Variants in TCF12 observed in about 807,000 individuals in gnomAD.
TCF12 encodes the protein transcription factor 12.
TCF12 carries 45 observed loss-of-function variants against 86.0 expected under a neutral mutation model. The observed-to-expected ratio is 0.52, with a 90% confidence interval of 0.41 to 0.67. The LOEUF is 0.67. Among genes scored for constraint, TCF12 ranks in the 30% least tolerant of loss-of-function variants. The pLI, the probability that TCF12 is intolerant of heterozygous loss-of-function variation, is 0.00. For missense variants in TCF12, 881 were observed against 859.9 expected (o/e 1.02, Z -0.31); for synonymous variants, 330 against 299.6 (o/e 1.10, Z -1.05).
intron 6 of TCF12, among the ~76,000 whole-genome samples, chr15:57,170,746 T>TA: frequency 7.8e-4 from 24 of 30,640 alleles, no homozygotes; most frequent in African/African-American, 3.2e-3. Context: ...TAATATATAT[T>TA]ATATATTATA....
chr15:57,007,890 CTT>C (rs2141126459), intron 3 of TCF12, among the ~76,000 whole-genome samples: 1 of 118,538 alleles, frequency 8.4e-6, no homozygotes, highest in African/African-American at 3.2e-5. Context: ...TCCTTCCTTC[CTT>C]CCTTCCTTCC....
At chr15:57,027,725 C>G (rs2065904723) in intron 3 of TCF12, among the ~76,000 whole-genome samples, 1 of 152,164 alleles carries the variant, frequency 6.6e-6, no homozygotes, top group East Asian at 1.9e-4. Flanking sequence ...AACTGTAGCT[C>G]CCATAATCCC....
chr15:57,132,451 C>T (rs1326594378), intron 5 of TCF12, among the ~76,000 whole-genome samples: 2 of 152,118 alleles, frequency 1.3e-5, no homozygotes, highest in Non-Finnish European at 2.9e-5. Flanking sequence ...ATTAATCACC[C>T]AAGTCAACTT....
intron 5 of TCF12, among the ~76,000 whole-genome samples, chr15:57,115,831 G>C (rs1454866946): frequency 1.4e-5 from 2 of 142,196 alleles, no homozygotes; most frequent in Non-Finnish European, 3.0e-5. Flanking sequence ...AGCACCCTAA[G>C]CACCAGGTAA....
intron 3 of TCF12, among the ~76,000 whole-genome samples, chr15:57,008,352 C>A (rs1405441028): frequency 1.3e-5 from 2 of 149,566 alleles, no homozygotes; most frequent in Admixed American, 6.8e-5. Flanking sequence ...TAACTCCACT[C>A]ACATTAGCCA....
intron 8 of TCF12, among the ~76,000 whole-genome samples, chr15:57,201,408 C>T (rs561680796): frequency 6.6e-6 from 1 of 152,102 alleles, no homozygotes; most frequent in Admixed American, 6.6e-5. Flanking sequence ...AGATGCGTAG[C>T]AGCTCATCTG....
chr15:56,990,529 T>C (rs1176845890), intron 3 of TCF12, among the ~76,000 whole-genome samples: 1 of 152,126 alleles, frequency 6.6e-6, no homozygotes, highest in Non-Finnish European at 1.5e-5. Flanking sequence ...GATGTGGTGT[T>C]TCTATTTTTC....
chr15:57,064,812 A>AAAAAAAAAAAAAAAAAAAAAAAAAAG (rs554263213), intron 4 of TCF12, among the ~76,000 whole-genome samples: 2 of 123,420 alleles, frequency 1.6e-5, no homozygotes, highest in Admixed American at 1.0e-4. Context: ...AAAAAAAAAA[A>AAAAAAAAAAAAAAAAAAAAAAAAAAG]AGAGAGAGAG....
chr15:57,158,644 G>C (rs2054288989), intron 5 of TCF12, among the ~76,000 whole-genome samples: 1 of 152,176 alleles, frequency 6.6e-6, no homozygotes, highest in Non-Finnish European at 1.5e-5. Context: ...GCAAAATTAA[G>C]ATGGCATATG....
intron 3 of TCF12, among the ~76,000 whole-genome samples, chr15:56,939,968 T>G (rs6145573): frequency 3.3e-5 from 1 of 30,530 alleles, no homozygotes; most frequent in Non-Finnish European, 5.7e-5. Flanking sequence ...TAATAGCGTG[T>G]TTTTTTTTTT....
intron 17 of TCF12, among the ~76,000 whole-genome samples, chr15:57,262,464 C>A (rs953815893): frequency 6.6e-6 from 1 of 152,178 alleles, no homozygotes; most frequent in East Asian, 1.9e-4. Flanking sequence ...TCTTCCTGTT[C>A]TGTCATGTCC....
At chr15:57,076,386 G>A (rs755965460) in intron 4 of TCF12, among the ~76,000 whole-genome samples, 1 of 151,962 alleles carries the variant, frequency 6.6e-6, no homozygotes, top group African/African-American at 2.4e-5. Context: ...GGCCGGGCAC[G>A]GTGGCTCACA....
At chr15:57,155,964 T>C (rs926568833) in intron 5 of TCF12, among the ~76,000 whole-genome samples, 1 of 152,238 alleles carries the variant, frequency 6.6e-6, no homozygotes, top group Non-Finnish European at 1.5e-5. Context: ...CTATATTACA[T>C]AGGTAGAGGC....
intron 8 of TCF12, among the ~76,000 whole-genome samples, chr15:57,227,835 A>G (rs374237477): frequency 1.3e-5 from 2 of 152,130 alleles, no homozygotes; most frequent in East Asian, 1.9e-4. Flanking sequence ...CCACATTTTA[A>G]TAGAACATCT....
At chr15:57,047,609 A>G (rs1247175155) in intron 3 of TCF12, among the ~76,000 whole-genome samples, 6 of 152,162 alleles carry the variant, frequency 3.9e-5, no homozygotes, top group Admixed American at 6.5e-5. Context: ...ATAATTCTTG[A>G]TTTTTCACCC....
chr15:57,170,781 A>G (rs1343161643), intron 6 of TCF12, among the ~76,000 whole-genome samples: 1 of 2,126 alleles, frequency 4.7e-4, no homozygotes, highest in African/African-American at 9.0e-4. Context: ...TATATATAAT[A>G]TATATATATA....
chr15:57,072,988 A>G (rs1022501391), intron 4 of TCF12, among the ~76,000 whole-genome samples: 6 of 152,208 alleles, frequency 3.9e-5, no homozygotes, highest in Non-Finnish European at 8.8e-5. Flanking sequence ...TTGCTAGCAG[A>G]TATTTAAAGT....
chr15:57,240,318 GA>G (rs2059557803), intron 12 of TCF12, among the ~76,000 whole-genome samples: 10 of 152,170 alleles, frequency 6.6e-5, no homozygotes, highest in Admixed American at 6.5e-4. Context: ...GACAAATGTA[GA>G]TGATTAGAAA....
intron 5 of TCF12, among the ~76,000 whole-genome samples, chr15:57,142,304 T>TAGATAGATAGATAG (rs2053028299): frequency 1.7e-3 from 261 of 149,726 alleles, no homozygotes; most frequent in Non-Finnish European, 3.2e-3. Context: ...CTCACACTTT[T>TAGATAGATAGATAG]ATAGATAGAT....
Sources: allele counts gnomAD v4.1 joint callset (sites outside exome capture counted in the v4.1 genomes callset), GRCh38; gene constraint gnomAD v4.1.1; transcripts MANE v1.5; gene names NCBI Gene and HGNC (gene_info 2026-07-23, HGNC 2026-07-21).